The following CSRNP3 variants were observed in gnomAD, a reference collection of about 807,000 sequenced individuals.
CSRNP3 encodes cysteine/serine-rich nuclear protein 3.
Under a neutral mutation model 48.0 loss-of-function variants are expected in CSRNP3, and 12 were observed. That is an observed-to-expected ratio of 0.25 (90% CI 0.16 to 0.41). The LOEUF (loss-of-function observed/expected upper bound fraction) is 0.41. Among genes scored for constraint, CSRNP3 ranks in the 10% least tolerant of loss-of-function variants. The probability of loss-of-function intolerance (pLI) is 1.00; values close to 1 mark genes in which losing one functional copy is unlikely to be tolerated. For missense variants in CSRNP3, 580 were observed against 724.4 expected (o/e 0.80, Z 2.29); for synonymous variants, 263 against 269.7 (o/e 0.98, Z 0.24).
chr2:165,560,017 T>C (rs1685211836), intron 3 of CSRNP3, among the ~76,000 whole-genome samples: 1 of 152,052 alleles, frequency 6.6e-6, no homozygotes, highest in Admixed American at 6.5e-5. Flanking sequence ...GCCAGGATGG[T>C]CTCGATCTCC....
intron 4 of CSRNP3, among the ~76,000 whole-genome samples, chr2:165,653,175 G>C (rs73031625): frequency 0.032 from 4,834 of 152,246 alleles, 220 homozygotes; most frequent in African/African-American, 0.099. Flanking sequence ...TCCTCTGATT[G>C]AATCATCAGA....
At chr2:165,539,828 A>G (rs4667829) in intron 3 of CSRNP3, among the ~76,000 whole-genome samples, 67,882 of 151,906 alleles carry the variant, frequency 0.45, 15,388 homozygotes, top group African/African-American at 0.5. Context: ...CTGTGCCTGA[A>G]TTATTTTAAT....
rs78153122 is a variant in CSRNP3, at chr2:165,506,180, C to T, written c.-113+11252C>T. On this transcript the variant is annotated intron_variant, in intron 2 of 6. Transcript: ENST00000651982. ...AGATGTCTGTGTACTTATAGACATA[C>T]ATATTACTCTCTTCTTGAAGACAAG... is the stretch of plus-strand genomic sequence containing the variant. Among the ~76,000 whole-genome samples the T allele has an allele frequency of 6.1e-3, 921 of 152,228 alleles. 39 individuals carry two copies. The East Asian group carries it at 0.086, about 14-fold the overall frequency.
Position 165,662,379 on chromosome 2 carries a change from A to G in CSRNP3, c.408+4359A>G, listed in dbSNP as rs1573952949. On this transcript the variant is annotated intron_variant, in intron 5 of 6. Transcript: ENST00000651982. ...GGTGCTGGTCTTTCAAACATTGTCTATAAACAACTAATAGAGAAAACTGAT... is the reference window on the plus strand; with the variant it reads ...GGTGCTGGTCTTTCAAACATTGTCTGTAAACAACTAATAGAGAAAACTGAT... Among the ~76,000 whole-genome samples, 3 of 152,288 alleles carry G rather than the reference A, an allele frequency of 2.0e-5. No homozygotes were observed. In the South Asian group the frequency reaches 6.2e-4, roughly 32 times the overall value.
intron 5 of CSRNP3, among the ~76,000 whole-genome samples, chr2:165,670,041 A>T (rs1051948824): frequency 6.6e-6 from 1 of 152,230 alleles, no homozygotes; most frequent in African/African-American, 2.4e-5. Context: ...TAGCTCTTCA[A>T]TTATGGACCA....
At chr2:165,665,621 G>C (rs144829763) in intron 5 of CSRNP3, among the ~76,000 whole-genome samples, 3 of 151,958 alleles carry the variant, frequency 2.0e-5, no homozygotes, top group Non-Finnish European at 4.4e-5. Flanking sequence ...ATTTAGCTGG[G>C]CAGTTGCATG....
chr2:165,595,884 C>A (rs1026654958), intron 4 of CSRNP3, among the ~76,000 whole-genome samples: 1 of 152,306 alleles, frequency 6.6e-6, no homozygotes, highest in East Asian at 1.9e-4. Context: ...GCAACCCCCT[C>A]CTCCCAAGTT....
intron 3 of CSRNP3, among the ~76,000 whole-genome samples, chr2:165,565,129 C>G (rs1465023704): frequency 6.6e-6 from 1 of 151,962 alleles, no homozygotes; most frequent in Non-Finnish European, 1.5e-5. Flanking sequence ...CATGCTATGG[C>G]CTACAAAGAG....
chr2:165,537,610 C>T (rs528190092), intron 3 of CSRNP3, among the ~76,000 whole-genome samples: 28 of 151,372 alleles, frequency 1.8e-4, no homozygotes, highest in Admixed American at 7.9e-4. Flanking sequence ...AGTGTAACAC[C>T]TCCTGTCAGA....
At chr2:165,610,910 A>G (rs571255667) in intron 4 of CSRNP3, among the ~76,000 whole-genome samples, 1 of 152,180 alleles carries the variant, frequency 6.6e-6, no homozygotes, top group South Asian at 2.1e-4. Context: ...AGTCGCAACA[A>G]GTGTTTGCTT....
intron 3 of CSRNP3, among the ~76,000 whole-genome samples, chr2:165,576,465 A>G (rs1685452356): frequency 6.6e-6 from 1 of 152,034 alleles, no homozygotes; most frequent in African/African-American, 2.4e-5. Flanking sequence ...CTGAATATGG[A>G]AATAAAAACA....
chr2:165,607,576 C>G (rs1032810149), intron 4 of CSRNP3, among the ~76,000 whole-genome samples: 2 of 152,178 alleles, frequency 1.3e-5, no homozygotes, highest in African/African-American at 4.8e-5. Context: ...ACTGTATATA[C>G]AGTTATATGT....
chr2:165,517,716 G>A (rs1309459880), intron 2 of CSRNP3, among the ~76,000 whole-genome samples, 157 bp from the exon 3 acceptor site: 2 of 151,790 alleles, frequency 1.3e-5, no homozygotes, highest in Non-Finnish European at 3.0e-5. Flanking sequence ...AAATTATATA[G>A]CATATGATTA....
At chr2:165,625,758 C>A (rs569310211) in intron 4 of CSRNP3, among the ~76,000 whole-genome samples, 12 of 151,336 alleles carry the variant, frequency 7.9e-5, no homozygotes, top group Admixed American at 7.9e-4. Flanking sequence ...CATGGTAAAA[C>A]CCTGTCTCTA....
intron 3 of CSRNP3, among the ~76,000 whole-genome samples, chr2:165,533,921 T>TA (rs1359030502): frequency 6.6e-5 from 10 of 152,026 alleles, no homozygotes; most frequent in African/African-American, 2.4e-4. Context: ...CAATAAATGT[T>TA]ACTGTTTTCA....
chr2:165,641,171 G>A (rs1397205589), intron 4 of CSRNP3, among the ~76,000 whole-genome samples: 3 of 152,022 alleles, frequency 2.0e-5, no homozygotes, highest in East Asian at 1.9e-4. Context: ...TGTAGTAATC[G>A]ATTGTGTGCA....
At chr2:165,661,249 G>C (rs1421548735) in intron 5 of CSRNP3, among the ~76,000 whole-genome samples, 1 of 152,096 alleles carries the variant, frequency 6.6e-6, no homozygotes, top group Non-Finnish European at 1.5e-5. Context: ...CCCTCAATTT[G>C]CAGTGGAATT....
chr2:165,666,688 GTGT>G, intron 5 of CSRNP3, among the ~76,000 whole-genome samples: 1 of 40,626 alleles, frequency 2.5e-5, no homozygotes, highest in African/African-American at 7.8e-5. Context: ...AGAGAGAGTG[GTGT>G]TAAGAGAGAG....
At chr2:165,511,897 A>T (rs927796520) in intron 2 of CSRNP3, among the ~76,000 whole-genome samples, 9 of 152,142 alleles carry the variant, frequency 5.9e-5, no homozygotes, top group African/African-American at 2.2e-4. Context: ...TCATAGCAGG[A>T]GGAGAACTGA....
Sources: gnomAD v4.1 joint callset for allele counts (sites outside exome capture counted in the v4.1 genomes callset) on GRCh38, gnomAD v4.1.1 for gene constraint, MANE v1.5 for transcripts, NCBI Gene and HGNC (gene_info 2026-07-23, HGNC 2026-07-21) for gene names.